SERPINE3: variants seen among roughly 807,000 people sequenced by gnomAD.
SERPINE3 encodes the protein serpin family E member 3.
Under a neutral mutation model 41.7 loss-of-function variants are expected in SERPINE3, and 43 were observed. That is an observed-to-expected ratio of 1.03 (90% CI 0.81 to 1.33). The LOEUF (loss-of-function observed/expected upper bound fraction) is 1.33. Among genes scored for constraint, SERPINE3 ranks in the 40% most tolerant of loss-of-function variants. The pLI is 0.00. For synonymous variants in SERPINE3, 200 were observed against 192.2 expected, an observed-to-expected ratio of 1.04 and a Z score of -0.34; for missense variants, 440 against 491.7, an observed-to-expected ratio of 0.89 and a Z score of 0.99.
intron 6 of SERPINE3, among the ~76,000 whole-genome samples, chr13:51,352,309 TGCAA>T (rs1157265022): frequency 6.6e-6 from 1 of 152,142 alleles, no homozygotes; most frequent in Non-Finnish European, 1.5e-5. Context: ...GTTTTCATTA[TGCAA>T]GTCTTGCACT....
intron 7 of SERPINE3, among the ~76,000 whole-genome samples, chr13:51,356,873 A>G (rs940284292): frequency 1.3e-5 from 2 of 151,810 alleles, no homozygotes; most frequent in African/African-American, 4.8e-5. Flanking sequence ...TTTAATAATT[A>G]TGAAGCAATT....
chr13:51,342,178 C>CAAAAAA (rs869298134), intron 3 of SERPINE3, among the ~76,000 whole-genome samples: 120 of 62,836 alleles, frequency 1.9e-3, no homozygotes, highest in East Asian at 3.2e-3. Flanking sequence ...AAAGACAGAA[C>CAAAAAA]AAAAAAAAAA....
At chr13:51,360,636 C>G (rs1367848660) in intron 7 of SERPINE3, among the ~76,000 whole-genome samples, 1 of 152,034 alleles carries the variant, frequency 6.6e-6, no homozygotes, top group African/African-American at 2.4e-5. Flanking sequence ...TTATACTAAC[C>G]TCTCATTTGC....
chr13:51,346,038 CT>C (rs1308244659), intron 4 of SERPINE3, among the ~76,000 whole-genome samples: 1 of 152,234 alleles, frequency 6.6e-6, no homozygotes, highest in Non-Finnish European at 1.5e-5. Flanking sequence ...CCCAACTTCT[CT>C]GAGCCTCAGT....
intron 4 of SERPINE3, among the ~76,000 whole-genome samples, chr13:51,346,690 A>T (rs928455313): frequency 6.6e-6 from 1 of 152,060 alleles, no homozygotes; most frequent in Admixed American, 6.5e-5. Context: ...CCCCATACCC[A>T]GCCCTACAGA....
intron 4 of SERPINE3, among the ~76,000 whole-genome samples, chr13:51,345,824 A>G (rs1187899923): frequency 6.6e-6 from 1 of 152,230 alleles, no homozygotes; most frequent in African/African-American, 2.4e-5. Context: ...AGGCCAGAGA[A>G]GCAGCTCCCA....
At position 51,362,750 on chromosome 13, in the gene SERPINE3, G is replaced by A. The variant is rs555631091; in HGVS notation, c.1171+857G>A. On this transcript the variant is annotated intron_variant, in intron 9 of 9. Coordinates refer to ENST00000681248, the MANE Select transcript of SERPINE3 (RefSeq NM_001386375.1). Reference sequence around the variant, plus strand: ...AATTATGCATAGTTTTACATAAATTGTTAAGGAAATACTGTCAACATCATT... The same window carrying A: ...AATTATGCATAGTTTTACATAAATTATTAAGGAAATACTGTCAACATCATT... The A allele has an allele frequency of 2.0e-5, 3 of 152,386 alleles. No homozygotes were observed. The South Asian group carries it at 6.2e-4, about 32-fold the overall frequency. 9.4% of individuals were successfully genotyped at this position (152,386 alleles called of 1,614,324 possible).
chr13:51,361,971 C>A, intron 9 of SERPINE3, 78 bp downstream of exon 9: 2 of 1,610,928 alleles, frequency 1.2e-6, no homozygotes, highest in East Asian at 4.5e-5. Context: ...TGTCCACTAT[C>A]CCCTCAAAAA....
chr13:51,344,827 G>A (rs1955330401), intron 4 of SERPINE3, among the ~76,000 whole-genome samples: 3 of 152,130 alleles, frequency 2.0e-5, no homozygotes, highest in Non-Finnish European at 4.4e-5. Flanking sequence ...ACTGAGCTCT[G>A]CTCTCATTTA....
chr13:51,354,905 C>T, intron 6 of SERPINE3, 138 bp from the exon 7 acceptor site: 1 of 618,742 alleles, frequency 1.6e-6, no homozygotes, highest in Non-Finnish European at 2.9e-6. Context: ...TGGGAAGGCG[C>T]CATGGAAGAT....
At chr13:51,342,178 CAA>C (rs869298134) in intron 3 of SERPINE3, among the ~76,000 whole-genome samples, 12 of 63,570 alleles carry the variant, frequency 1.9e-4, no homozygotes, top group South Asian at 6.4e-4. Flanking sequence ...AAAGACAGAA[CAA>C]AAAAAAAAAA....
At chr13:51,362,137 A>AT (rs372324956) in intron 9 of SERPINE3, 36,488 of 981,766 alleles carry the variant, frequency 0.037, 6 homozygotes, top group East Asian at 0.051. Context: ...GTTAATGTAG[A>AT]TTTTTTTTTT....
At position 51,344,483 on chromosome 13, in the gene SERPINE3, C is replaced by T; in HGVS notation, c.488C>T (p.Ala163Val). 1 of 1,567,924 alleles carries T rather than the reference C, an allele frequency of 6.4e-7. No homozygotes were observed. The highest frequency in any genetic ancestry group is 8.7e-7 in the Non-Finnish European group (1 of 1,154,744). The stretch of plus-strand genomic sequence containing the variant: ...AGCGAAGGGGCCTCCAGAGAGACTG[C>T]AGGTAAAAGAAAACTGTACATTTCA... ...QTSEGASRET[A>V]GGGPSEGPGG... Residue 163 changes from alanine to valine, a missense_variant and splice_region_variant, in exon 4 of 10, where the codon GCA (alanine) becomes GTA (valine). Ala to Val is a moderately conservative substitution (Grantham distance 64). Coordinates refer to ENST00000681248, the MANE Select transcript of SERPINE3 (RefSeq NM_001386375.1).
chr13:51,345,986 T>C lies in SERPINE3; in HGVS notation c.491-1039T>C, dbSNP rs895755357. Among the ~76,000 whole-genome samples, 10 of 152,352 alleles carry C rather than the reference T, an allele frequency of 6.6e-5. No homozygotes were observed. The East Asian group carries it at 1.9e-3, about 29-fold the overall frequency. ...TGCAATCCACATTGCATTGGGTAAC[T>C]GGGTGGATGGTGGCTTCACCCCTCA... On this transcript the variant is annotated intron_variant, in intron 4 of 9. Coordinates refer to ENST00000681248, the MANE Select transcript of SERPINE3 (RefSeq NM_001386375.1).
At chr13:51,345,060 GAT>G (rs1293607198) in intron 4 of SERPINE3, among the ~76,000 whole-genome samples, 2 of 152,200 alleles carry the variant, frequency 1.3e-5, no homozygotes, top group Admixed American at 6.5e-5. Context: ...TATTATGAAA[GAT>G]AATTAAAATC....
chr13:51,341,394 C>A, intron 3 of SERPINE3, 47 bp downstream of exon 3: 1 of 1,504,550 alleles, frequency 6.6e-7, no homozygotes, highest in Non-Finnish European at 9.0e-7. Context: ...CCTGTTCACA[C>A]TCACACTCTC....
intron 6 of SERPINE3, among the ~76,000 whole-genome samples, chr13:51,349,006 G>A (rs1955380691): frequency 1.3e-5 from 2 of 152,136 alleles, no homozygotes; most frequent in South Asian, 4.1e-4. Context: ...GTGAAGTGGT[G>A]GCATTCTATG....
intron 4 of SERPINE3, among the ~76,000 whole-genome samples, chr13:51,346,772 G>T (rs1006203119): frequency 6.6e-6 from 1 of 152,180 alleles, no homozygotes; most frequent in East Asian, 1.9e-4. Context: ...TGACCATATC[G>T]CTCAACAGTC....
chr13:51,340,747 T>G, intron 1 of SERPINE3, 37 bp from the exon 2 acceptor site: 1 of 337,256 alleles, frequency 3.0e-6, no homozygotes, highest in East Asian at 6.0e-5. Flanking sequence ...CTTACATTTC[T>G]TTTCCCAACA....
Sources: gnomAD v4.1 joint callset for allele counts (sites outside exome capture counted in the v4.1 genomes callset) on GRCh38, gnomAD v4.1.1 for gene constraint, MANE v1.5 for transcripts, NCBI Gene and HGNC (gene_info 2026-07-23, HGNC 2026-07-21) for gene names.